TSPAN9: variants seen among roughly 807,000 people sequenced by gnomAD.
The protein encoded by TSPAN9 is tetraspanin-9.
In TSPAN9, 16 loss-of-function variants were observed where a neutral mutation model predicts 31.0. The observed-to-expected ratio is 0.52, with a 90% CI of 0.35 to 0.78. The LOEUF (loss-of-function observed/expected upper bound fraction) is 0.78. TSPAN9 is among the 30% of genes least tolerant of loss of function. The probability of loss-of-function intolerance (pLI) is 0.01; values close to 1 mark genes in which losing one functional copy is unlikely to be tolerated. For missense variants in TSPAN9, 272 were observed against 312.5 expected (o/e 0.87, Z 0.98); for synonymous variants, 145 against 121.6 (o/e 1.19, Z -1.27).
intron 2 of TSPAN9, among the ~76,000 whole-genome samples, chr12:3,109,299 TGAGAGA>T (rs150191079): frequency 7.6e-5 from 9 of 118,294 alleles, no homozygotes; most frequent in South Asian, 2.5e-4. Context: ...TGTGTGTGTG[TGAGAGA>T]GAGTGTGTGT....
intron 3 of TSPAN9, 62 bp downstream of exon 3, chr12:3,201,318 T>TATTCACCCTATGGTAA: frequency 2.7e-6 from 4 of 1,455,598 alleles, no homozygotes; most frequent in Non-Finnish European, 3.9e-6. Context: ...TACCATAGCG[T>TATTCACCCTATGGTAA]GAATACCCTC....
intron 2 of TSPAN9, among the ~76,000 whole-genome samples, chr12:3,177,461 C>T (rs138133752): frequency 0.025 from 3,785 of 152,146 alleles, 153 homozygotes; most frequent in African/African-American, 0.086. Flanking sequence ...GAGATGGAGT[C>T]TCGCTCTGTT....
intron 2 of TSPAN9, among the ~76,000 whole-genome samples, chr12:3,087,048 T>G (rs2153962361): frequency 6.6e-6 from 1 of 151,978 alleles, no homozygotes; most frequent in South Asian, 2.1e-4. Flanking sequence ...TGAGCTGGGG[T>G]GGGAGGGATT....
intron 2 of TSPAN9, among the ~76,000 whole-genome samples, chr12:3,145,898 T>C (rs7957509): frequency 0.24 from 36,416 of 152,224 alleles, 4,695 homozygotes; most frequent in Non-Finnish European, 0.31. Flanking sequence ...TTCATTAGCA[T>C]GGGCACAGGG....
At chr12:3,100,642 C>T (rs1022584482) in intron 2 of TSPAN9, among the ~76,000 whole-genome samples, 3 of 152,158 alleles carry the variant, frequency 2.0e-5, no homozygotes, top group Admixed American at 1.3e-4. Context: ...GGGCTGTCCC[C>T]GGGAGTCCTG....
intron 2 of TSPAN9, among the ~76,000 whole-genome samples, chr12:3,105,899 C>T (rs1269842889): frequency 6.6e-6 from 1 of 151,954 alleles, no homozygotes; most frequent in African/African-American, 2.4e-5. Flanking sequence ...TGGTCACGGG[C>T]ACTCATGTTC....
intron 2 of TSPAN9, among the ~76,000 whole-genome samples, chr12:3,154,337 CGCTGGCCTGGTACATA>C (rs2098341238): frequency 6.6e-6 from 1 of 152,124 alleles, no homozygotes; most frequent in South Asian, 2.1e-4. Context: ...CTTCGAAGCC[CGCTGGCCTGGTACATA>C]GATTTTGCGT....
Position 3,096,113 on chromosome 12 carries a change from C to T in TSPAN9, c.-18+12394C>T, listed in dbSNP as rs369121725. 1.4e-3 allele frequency among the ~76,000 whole-genome samples: 214 copies of T among 152,226 alleles called. 1 individual carries two copies. Among genetic ancestry groups the T allele is most frequent in the South Asian group, 9.1e-3 (44 of 4,816 alleles). On this transcript the variant is annotated intron_variant, in intron 2 of 8. Transcript: ENST00000011898. ...TGCCCGCTGAACTCCATCCTCCCGG[C>T]GGTCGGGCGGCGGCGGCTGCCGCTT...
At chr12:3,203,938 A>G (rs2098373460) in intron 3 of TSPAN9, among the ~76,000 whole-genome samples, 3 of 152,178 alleles carry the variant, frequency 2.0e-5, no homozygotes, top group Admixed American at 2.0e-4. Context: ...GGGAAGGAGC[A>G]GAGGAAAGAG....
intron 3 of TSPAN9, among the ~76,000 whole-genome samples, chr12:3,253,491 G>T (rs1862291148): frequency 6.6e-6 from 1 of 152,262 alleles, no homozygotes. Context: ...TGAGGATGCA[G>T]TGAGATAGTT....
At chr12:3,200,955 A>C in intron 2 of TSPAN9, 1 of 511,504 alleles carries the variant, frequency 2.0e-6, no homozygotes, top group Non-Finnish European at 3.4e-6. Context: ...TCTTCGATCC[A>C]TCGGAGTCCA....
Position 3,244,985 on chromosome 12 carries a change from ACT to A in TSPAN9, c.64-33433_64-33432del, listed in dbSNP as rs1371647278. On this transcript the variant is annotated intron_variant, in intron 3 of 8. Transcript: ENST00000011898. The stretch of plus-strand genomic sequence containing the variant: ...TCTCACTCTGTGCGTTAGCCTCTTG[ACT>A]CTGTGGGCATCCCGGTCTTTCCAAG... Among the ~76,000 whole-genome samples, 18 of 151,248 alleles carry A rather than the reference ACT, an allele frequency of 1.2e-4. No individual in the cohort carries two copies. The East Asian group carries it at 2.7e-3, about 23-fold the overall frequency.
rs750494569 is a variant in TSPAN9, at chr12:3,192,446, C to A, written c.-17-8731C>A. Among the ~76,000 whole-genome samples the A allele has an allele frequency of 6.6e-6, 1 of 152,112 alleles. No individual in the cohort carries two copies. Among genetic ancestry groups the A allele is most frequent in the Non-Finnish European group, 1.5e-5 (1 of 68,038 alleles). On this transcript the variant is annotated intron_variant, in intron 2 of 8. Transcript: ENST00000011898. This position sits in a 1 kb window ranked among gnomAD's most constrained non-coding sequence, Gnocchi z 4.6. ...GTGCAGGGAGGCTCTGCGGCTTGGA[C>A]TTGTGTTTGCTTCGAGGTGGGAGCA...
intron 2 of TSPAN9, among the ~76,000 whole-genome samples, chr12:3,145,200 C>T (rs988200829): frequency 6.6e-6 from 1 of 152,188 alleles, no homozygotes; most frequent in Non-Finnish European, 1.5e-5. Context: ...GCCCTCCGGT[C>T]AGGACCGCGA....
At chr12:3,276,846 A>G (rs1333443545) in intron 3 of TSPAN9, among the ~76,000 whole-genome samples, 7 of 152,182 alleles carry the variant, frequency 4.6e-5, no homozygotes, top group African/African-American at 1.7e-4. Flanking sequence ...TTGTGGAGGA[A>G]TAAGCGAAGG....
At chr12:3,099,390 T>C (rs2098310759) in intron 2 of TSPAN9, among the ~76,000 whole-genome samples, 1 of 152,234 alleles carries the variant, frequency 6.6e-6, no homozygotes, top group Non-Finnish European at 1.5e-5. Flanking sequence ...TTGTTGTATC[T>C]TTGTCTCATC....
chr12:3,122,842 C>T (rs916016129), intron 2 of TSPAN9, among the ~76,000 whole-genome samples: 1 of 152,204 alleles, frequency 6.6e-6, no homozygotes, highest in African/African-American at 2.4e-5. Context: ...TTTCTATTTA[C>T]TGGCAGGTTG....
intron 2 of TSPAN9, among the ~76,000 whole-genome samples, chr12:3,183,864 T>C (rs1331791197): frequency 2.0e-5 from 3 of 152,220 alleles, no homozygotes; most frequent in Non-Finnish European, 4.4e-5. Context: ...TTTTGTAAGT[T>C]GGGTACAATG....
chr12:3,242,676 G>A (rs1445292759), intron 3 of TSPAN9, among the ~76,000 whole-genome samples: 1 of 152,244 alleles, frequency 6.6e-6, no homozygotes, highest in Non-Finnish European at 1.5e-5. Flanking sequence ...CGGTCACCGG[G>A]CGTGACTCAG....
Sources: allele counts gnomAD v4.1 joint callset (sites outside exome capture counted in the v4.1 genomes callset), GRCh38; gene constraint gnomAD v4.1.1; non-coding constraint Gnocchi (gnomAD v3.1); transcripts MANE v1.5; gene names NCBI Gene and HGNC (gene_info 2026-07-23, HGNC 2026-07-21).